Variants in EXOC2 observed in about 807,000 individuals in gnomAD.
The protein encoded by EXOC2 is SEC5-like 1.
In EXOC2, 70 loss-of-function variants were observed where a neutral mutation model predicts 131.8. The ratio of observed to expected loss-of-function variants is 0.53; its 90% CI spans 0.44 to 0.65. The LOEUF (loss-of-function observed/expected upper bound fraction) is 0.65, where lower values mean the gene tolerates loss of function less well. Among genes scored for constraint, EXOC2 ranks in the 30% least tolerant of loss-of-function variants. EXOC2 has a pLI of 0.00. For synonymous variants in EXOC2, 411 were observed against 398.4 expected, an observed-to-expected ratio of 1.03 and a Z score of -0.38; for missense variants, 923 against 1,108.6, an observed-to-expected ratio of 0.83 and a Z score of 2.38.
chr6:505,162 A>G (rs148034015), intron 23 of EXOC2, among the ~76,000 whole-genome samples: 301 of 152,234 alleles, frequency 2.0e-3, no homozygotes, highest in African/African-American at 7.0e-3. Flanking sequence ...CGAATACAAC[A>G]TGAAATATGG....
chr6:587,539 C>T (rs60957139), intron 11 of EXOC2, among the ~76,000 whole-genome samples: 17,790 of 152,244 alleles, frequency 0.12, 1,216 homozygotes, highest in Middle Eastern at 0.15. Context: ...CCACCGCGCC[C>T]GGCCATAGAT....
At chr6:531,708 G>A (rs1766095441) in intron 23 of EXOC2, among the ~76,000 whole-genome samples, 1 of 152,210 alleles carries the variant, frequency 6.6e-6, no homozygotes, top group South Asian at 2.1e-4. Context: ...CAACTCACTG[G>A]TGCTTTGTTA....
intron 13 of EXOC2, among the ~76,000 whole-genome samples, chr6:570,226 C>T (rs1758197886): frequency 5.0e-5 from 1 of 19,938 alleles, no homozygotes; most frequent in South Asian, 2.2e-3. Context: ...CTCCGCCTCC[C>T]GGGTTCACGC....
intron 23 of EXOC2, among the ~76,000 whole-genome samples, chr6:500,003 G>A (rs997827139): frequency 4.0e-5 from 6 of 150,438 alleles, no homozygotes; most frequent in Non-Finnish European, 5.9e-5. Context: ...GTTTCTTCAC[G>A]CACACACACA....
chr6:628,392 G>A (rs1761685718), intron 4 of EXOC2, among the ~76,000 whole-genome samples: 2 of 152,196 alleles, frequency 1.3e-5, no homozygotes, highest in South Asian at 4.1e-4. Flanking sequence ...GAACACTGCT[G>A]TTAGACGCAG....
chr6:627,224 C>A (rs961318911), intron 4 of EXOC2, among the ~76,000 whole-genome samples: 12 of 128,888 alleles, frequency 9.3e-5, no homozygotes, highest in Non-Finnish European at 1.7e-4. Context: ...AAGATAAACA[C>A]AGCTTTCTTG....
chr6:564,424 G>A, intron 15 of EXOC2, 121 bp downstream of exon 15: 1 of 1,357,582 alleles, frequency 7.4e-7, no homozygotes, highest in Non-Finnish European at 1.0e-6. Context: ...AGGAAACAGT[G>A]GAGGCAAAAG....
chr6:648,637 T>C (rs552414243), intron 1 of EXOC2, among the ~76,000 whole-genome samples: 168 of 152,206 alleles, frequency 1.1e-3, no homozygotes, highest in African/African-American at 3.8e-3. Context: ...TCATAGCCAT[T>C]TAAGACAATT....
chr6:499,316 A>ACT (rs964851370), intron 24 of EXOC2, among the ~76,000 whole-genome samples: 2 of 152,216 alleles, frequency 1.3e-5, no homozygotes, highest in African/African-American at 2.4e-5. Context: ...TAAGGGATTT[A>ACT]CTATTCTTTG....
intron 1 of EXOC2, among the ~76,000 whole-genome samples, 185 bp downstream of exon 1, chr6:692,834 A>G (rs867902404): frequency 7.3e-6 from 1 of 137,652 alleles, no homozygotes; most frequent in South Asian, 2.6e-4. Context: ...GACGGCGGGG[A>G]TGGGGGCTGC....
chr6:619,994 T>G (rs953888812), intron 4 of EXOC2, among the ~76,000 whole-genome samples: 6 of 152,238 alleles, frequency 3.9e-5, no homozygotes, highest in Non-Finnish European at 8.8e-5. Flanking sequence ...TTTTAAGACA[T>G]ACTAAGAAAT....
chr6:537,382 G>A (rs1230181157), intron 22 of EXOC2, among the ~76,000 whole-genome samples: 5 of 150,676 alleles, frequency 3.3e-5, no homozygotes, highest in African/African-American at 2.5e-5. Context: ...GTTGATGGCC[G>A]ACGGAGCGTA....
chr6:526,427 T>C (rs1278711740), intron 23 of EXOC2, among the ~76,000 whole-genome samples: 1 of 146,482 alleles, frequency 6.8e-6, no homozygotes, highest in African/African-American at 2.5e-5. Context: ...CCTTTTTCTT[T>C]GTGGATTTTT....
At chr6:539,513 C>T (rs1255825148) in intron 22 of EXOC2, among the ~76,000 whole-genome samples, 2 of 152,170 alleles carry the variant, frequency 1.3e-5, no homozygotes, top group Non-Finnish European at 1.5e-5. Flanking sequence ...AGCCAGTGCT[C>T]CCAATGGACA....
chr6:672,580 T>C (rs1345396292), intron 1 of EXOC2, among the ~76,000 whole-genome samples: 1 of 152,240 alleles, frequency 6.6e-6, no homozygotes, highest in Non-Finnish European at 1.5e-5. Flanking sequence ...CACTAAGAAG[T>C]TGGGATGCTC....
chr6:661,393 T>G (rs879722459), intron 1 of EXOC2, among the ~76,000 whole-genome samples: 1 of 152,198 alleles, frequency 6.6e-6, no homozygotes, highest in Non-Finnish European at 1.5e-5. Context: ...AGCTGTGAGA[T>G]AGAAGCACCA....
chr6:630,821 C>T (rs1297849110), intron 3 of EXOC2, among the ~76,000 whole-genome samples: 2 of 152,160 alleles, frequency 1.3e-5, no homozygotes, highest in Non-Finnish European at 2.9e-5. Context: ...AATAAAATAT[C>T]TAACGATTAA....
In EXOC2 at chr6:561,924, C is replaced by T. The variant is rs1167720529; in HGVS notation, c.1851+860G>A. On this transcript the variant is annotated intron_variant, in intron 17 of 27. Coordinates refer to ENST00000230449, the MANE Select transcript of EXOC2 (RefSeq NM_018303.6). ...AAGGTAAGACAGAAAACAGGAGCAG[C>T]CACGTGCTCTCCCGACCTCTGTTGC... Among the ~76,000 whole-genome samples the T allele has an allele frequency of 2.0e-5, 3 of 152,308 alleles. No homozygotes were observed. In the East Asian group the frequency reaches 5.8e-4, roughly 29 times the overall value.
At position 518,049 on chromosome 6, in the gene EXOC2, T is replaced by TA. The variant is rs1292882280; in HGVS notation, c.2380+14419dup. Among the ~76,000 whole-genome samples, 7 of 152,352 alleles carry TA rather than the reference T, an allele frequency of 4.6e-5. No homozygotes were observed. The East Asian group carries it at 1.3e-3, about 29-fold the overall frequency. The stretch of plus-strand genomic sequence containing the variant: ...TGTGTGGACCTTGACTGAATCCTGA[T>TA]ACGAACAAACTGTCTAAAAAGCTTC... On this transcript the variant is annotated intron_variant, in intron 23 of 27. Coordinates refer to ENST00000230449, the MANE Select transcript of EXOC2 (RefSeq NM_018303.6).
Sources: gnomAD v4.1 joint callset for allele counts (sites outside exome capture counted in the v4.1 genomes callset) on GRCh38, gnomAD v4.1.1 for gene constraint, MANE v1.5 for transcripts, NCBI Gene and HGNC (gene_info 2026-07-23, HGNC 2026-07-21) for gene names.